NEMP2: variants seen among roughly 807,000 people sequenced by gnomAD.
NEMP2 encodes the protein nuclear envelope integral membrane protein 2, also known as UPF0571 transmembrane protein.
In NEMP2, 53 loss-of-function variants were observed where a neutral mutation model predicts 54.2. That is an observed-to-expected ratio of 0.98 (90% confidence interval 0.78 to 1.23). The LOEUF is 1.23. NEMP2 is among the 50% of genes most tolerant of loss of function. The pLI is 0.00. For missense variants in NEMP2, 455 were observed against 511.3 expected (o/e 0.89, Z 1.06); for synonymous variants, 197 against 190.3 (o/e 1.04, Z -0.29).
At chr2:190,532,250 A>G (rs1342592222) in intron 1 of NEMP2, among the ~76,000 whole-genome samples, 1 of 152,234 alleles carries the variant, frequency 6.6e-6, no homozygotes, top group East Asian at 1.9e-4. Context: ...AAAGGTAACT[A>G]TTCTCTTAAC....
chr2:190,573,455 T>G, the NEMP2 span, among the ~76,000 whole-genome samples: 2 of 152,294 alleles, frequency 1.3e-5, no homozygotes, highest in African/African-American at 4.8e-5. Flanking sequence ...AATTTGCTAC[T>G]CTTCTCCCTT....
chr2:190,574,858 T>C, the NEMP2 span, among the ~76,000 whole-genome samples: 1,564 of 144,386 alleles, frequency 0.011, 39 homozygotes, highest in African/African-American at 0.037. Flanking sequence ...TTTCTTTTCT[T>C]TGCTTTTCTT....
the NEMP2 span, chr2:190,444,860 C>T: frequency 2.4e-6 from 2 of 820,988 alleles, no homozygotes; most frequent in Non-Finnish European, 2.9e-6. Flanking sequence ...TTTTAAATTC[C>T]AATTATTTTA....
the NEMP2 span, among the ~76,000 whole-genome samples, chr2:190,543,244 C>G: frequency 6.6e-6 from 1 of 152,188 alleles, no homozygotes; most frequent in Non-Finnish European, 1.5e-5. This position sits in a 1 kb window ranked among gnomAD's most constrained non-coding sequence, Gnocchi z 4.7. Context: ...GCCCAGGGTA[C>G]CTGTGGAACA....
chr2:190,440,336 T>C, the NEMP2 span, among the ~76,000 whole-genome samples: 1 of 152,224 alleles, frequency 6.6e-6, no homozygotes, highest in Non-Finnish European at 1.5e-5. Flanking sequence ...GTATCTGATT[T>C]CTGATTTTGA....
At chr2:190,612,266 C>A in the NEMP2 span, among the ~76,000 whole-genome samples, 1 of 148,714 alleles carries the variant, frequency 6.7e-6, no homozygotes, top group South Asian at 2.1e-4. Flanking sequence ...AGCGATTCTT[C>A]TGCCTCAGCT....
chr2:190,603,195 G>C, the NEMP2 span, among the ~76,000 whole-genome samples: 2 of 152,044 alleles, frequency 1.3e-5, no homozygotes, highest in Admixed American at 6.5e-5. Context: ...TATGGAATGT[G>C]GGGTGTGGGA....
chr2:190,489,561 A>G, the NEMP2 span, among the ~76,000 whole-genome samples: 10 of 152,350 alleles, frequency 6.6e-5, no homozygotes, highest in South Asian at 6.2e-4. The surrounding 1 kb of genome is among the most constrained non-coding windows in gnomAD (Gnocchi z 6.6). Context: ...TAATCGATCA[A>G]TGACAGATCC....
chr2:190,552,283 C>G, the NEMP2 span, among the ~76,000 whole-genome samples: 8 of 152,180 alleles, frequency 5.3e-5, no homozygotes, highest in African/African-American at 1.9e-4. Flanking sequence ...CGTCTTCATT[C>G]ATCAGTGTGG....
chr2:190,457,072 C>T, the NEMP2 span, among the ~76,000 whole-genome samples: 1 of 152,208 alleles, frequency 6.6e-6, no homozygotes, highest in Non-Finnish European at 1.5e-5. The surrounding 1 kb of genome is among the most constrained non-coding windows in gnomAD (Gnocchi z 5.1). Flanking sequence ...ACTAACACTG[C>T]TAGTCCGTTT....
chr2:190,545,820 T>G, the NEMP2 span, among the ~76,000 whole-genome samples: 6 of 152,326 alleles, frequency 3.9e-5, no homozygotes, highest in African/African-American at 1.4e-4. Flanking sequence ...AAGTCAGTTC[T>G]CCAGAGCCTC....
the NEMP2 span, among the ~76,000 whole-genome samples, chr2:190,605,086 A>C: frequency 6.6e-6 from 1 of 152,130 alleles, no homozygotes; most frequent in African/African-American, 2.4e-5. Flanking sequence ...TCTACCCCTG[A>C]ACTCTCATTT....
chr2:190,618,158 G>A, the NEMP2 span, among the ~76,000 whole-genome samples: 1 of 152,200 alleles, frequency 6.6e-6, no homozygotes, highest in African/African-American at 2.4e-5. Flanking sequence ...TATCAGTGTG[G>A]TAACTCATCA....
chr2:190,634,804 T>A, the NEMP2 span, among the ~76,000 whole-genome samples: 1,609 of 152,330 alleles, frequency 0.011, 35 homozygotes, highest in African/African-American at 0.037. This position sits in a 1 kb window ranked among gnomAD's most constrained non-coding sequence, Gnocchi z 6.8. Flanking sequence ...AGAGCAACTG[T>A]GTGTTTTGAC....
chr2:190,590,409 C>G, the NEMP2 span, among the ~76,000 whole-genome samples: 1 of 152,156 alleles, frequency 6.6e-6, no homozygotes, highest in South Asian at 2.1e-4. This position sits in a 1 kb window ranked among gnomAD's most constrained non-coding sequence, Gnocchi z 5.1. Context: ...AAAAGTCATT[C>G]AACAGTGTGC....
At chr2:190,537,822 A>G (rs1416571485), upstream of NEMP2, among the ~76,000 whole-genome samples, 1 of 152,218 alleles carries the variant, frequency 6.6e-6, no homozygotes, top group African/African-American at 2.4e-5. Context: ...ACTATGGGGA[A>G]AATGTCTCCA....
chr2:190,589,213 C>A, the NEMP2 span, among the ~76,000 whole-genome samples: 1 of 152,108 alleles, frequency 6.6e-6, no homozygotes, highest in South Asian at 2.1e-4. The surrounding 1 kb of genome is among the most constrained non-coding windows in gnomAD (Gnocchi z 4.3). Context: ...CCCAGAGATT[C>A]CCCCTTGAGG....
intron 1 of NEMP2, among the ~76,000 whole-genome samples, chr2:190,532,188 T>G (rs1574320049): frequency 6.6e-6 from 1 of 152,342 alleles, no homozygotes; most frequent in East Asian, 1.9e-4. Context: ...TTACTATTTG[T>G]TTTTTGTAAA....
chr2:190,590,640 A>C, the NEMP2 span, among the ~76,000 whole-genome samples: 9 of 152,314 alleles, frequency 5.9e-5, no homozygotes, highest in East Asian at 1.7e-3. The surrounding 1 kb of genome is among the most constrained non-coding windows in gnomAD (Gnocchi z 5.1). Context: ...AGTAATGATT[A>C]GGAGCAAAGA....
Sources: allele counts gnomAD v4.1 joint callset (sites outside exome capture counted in the v4.1 genomes callset), GRCh38; gene constraint gnomAD v4.1.1; non-coding constraint Gnocchi (gnomAD v3.1); transcripts MANE v1.5; gene names NCBI Gene and HGNC (gene_info 2026-07-23, HGNC 2026-07-21).